Variants in PHAF1 observed in about 807,000 individuals in gnomAD.
The protein encoded by PHAF1 is phagosome assembly factor 1.
Under a neutral mutation model 63.1 loss-of-function variants are expected in PHAF1, and 23 were observed. The observed-to-expected ratio is 0.36, with a 90% CI of 0.26 to 0.52. The LOEUF (loss-of-function observed/expected upper bound fraction) is 0.52, where lower values mean the gene tolerates loss of function less well. Among genes scored for constraint, PHAF1 ranks in the 20% least tolerant of loss-of-function variants. The probability of loss-of-function intolerance (pLI) is 0.93; values close to 1 mark genes in which losing one functional copy is unlikely to be tolerated. For synonymous variants in PHAF1, 167 were observed against 185.0 expected (o/e 0.90, Z 0.79); for missense variants, 427 against 517.2 (o/e 0.83, Z 1.69).
chr16:67,134,851 C>CT, intron 8 of PHAF1: 2 of 381,802 alleles, frequency 5.2e-6, no homozygotes, highest in Non-Finnish European at 1.0e-5. Flanking sequence ...ATACCATCAC[C>CT]TTGGTGGTTA....
chr16:67,118,766 CTTTTTTTT>C (rs910658530), intron 1 of PHAF1, among the ~76,000 whole-genome samples: 5 of 99,994 alleles, frequency 5.0e-5, no homozygotes, highest in African/African-American at 1.5e-4. Context: ...TGATCTTAAA[CTTTTTTTT>C]TTTTTTTTTT....
intron 3 of PHAF1, among the ~76,000 whole-genome samples, chr16:67,127,465 A>C (rs555474327): frequency 3.3e-5 from 5 of 152,312 alleles, no homozygotes; most frequent in South Asian, 4.1e-4. Context: ...GAAGTTCCAC[A>C]CTGGGAAAGG....
chr16:67,124,164 G>T (rs1471747522), intron 2 of PHAF1, among the ~76,000 whole-genome samples: 1 of 151,752 alleles, frequency 6.6e-6, no homozygotes, highest in East Asian at 1.9e-4. Context: ...CCTGGCACAT[G>T]CCTCCTCCAA....
At chr16:67,117,638 G>A (rs546721805) in intron 1 of PHAF1, among the ~76,000 whole-genome samples, 11 of 151,516 alleles carry the variant, frequency 7.3e-5, no homozygotes, top group Admixed American at 1.3e-4. Flanking sequence ...TTAGCCAGGC[G>A]TGGTGGCGGG....
At chr16:67,121,951 G>A (rs766348114) in intron 2 of PHAF1, among the ~76,000 whole-genome samples, 14 of 152,072 alleles carry the variant, frequency 9.2e-5, no homozygotes, top group Non-Finnish European at 1.0e-4. Context: ...AGACTAGAGT[G>A]TAGTGACATG....
chr16:67,122,570 CA>C (rs912852837), intron 2 of PHAF1, among the ~76,000 whole-genome samples: 19,850 of 84,310 alleles, frequency 0.24, 2,829 homozygotes, highest in African/African-American at 0.46. Flanking sequence ...GACCCTGTCT[CA>C]AAAAAAAAAA....
Position 67,132,538 on chromosome 16 carries a change from C to T in PHAF1, c.355+13C>T. ...ACCCATCCTGGAGGTAAGCCAAGTC[C>T]ATCTGATTCCTCTGGTCATCAGTGG... On this transcript the variant is annotated intron_variant, in intron 5 of 15. Transcript: ENST00000219139. 6.2e-7 allele frequency: 1 copy of T among 1,610,702 alleles called. No homozygotes were observed. The highest frequency in any genetic ancestry group is 1.7e-5 in the Admixed American group (1 of 60,018).
At chr16:67,130,567 T>G (rs1160745275) in intron 3 of PHAF1, among the ~76,000 whole-genome samples, 1 of 151,604 alleles carries the variant, frequency 6.6e-6, no homozygotes, top group African/African-American at 2.4e-5. Context: ...CAGGCTGGTC[T>G]GGAACTCCTG....
At chr16:67,142,554 C>T (rs767107716) in intron 10 of PHAF1, among the ~76,000 whole-genome samples, 6 of 152,256 alleles carry the variant, frequency 3.9e-5, no homozygotes, top group Non-Finnish European at 8.8e-5. Flanking sequence ...GCCCTGAGTG[C>T]GTGCACTCCC....
intron 8 of PHAF1, chr16:67,135,105 A>G (rs1278401197): frequency 5.7e-6 from 1 of 174,366 alleles, no homozygotes; most frequent in Non-Finnish European, 1.2e-5. Context: ...CTGGAGATGC[A>G]TCCTGTGGGT....
intron 8 of PHAF1, among the ~76,000 whole-genome samples, chr16:67,136,876 G>T (rs1963629582): frequency 1.3e-5 from 2 of 152,012 alleles, no homozygotes; most frequent in Non-Finnish European, 2.9e-5. Context: ...TGGTATATAG[G>T]CTGGACACAG....
At chr16:67,144,757 TG>T in intron 11 of PHAF1, 76 bp from the exon 12 acceptor site, 1 of 1,496,058 alleles carries the variant, frequency 6.7e-7, no homozygotes. Context: ...CTGTTTCTCC[TG>T]GGGTGTGGGG....
intron 2 of PHAF1, among the ~76,000 whole-genome samples, chr16:67,120,545 T>G (rs1962930279): frequency 6.6e-6 from 1 of 151,410 alleles, no homozygotes; most frequent in Non-Finnish European, 1.5e-5. Flanking sequence ...TTGTCTTTTC[T>G]GCTTTTGTTG....
At chr16:67,118,331 C>CTTTTTTTTT (rs1054550338) in intron 1 of PHAF1, among the ~76,000 whole-genome samples, 2 of 76,552 alleles carry the variant, frequency 2.6e-5, no homozygotes, top group African/African-American at 6.4e-5. Flanking sequence ...GCCCCTGTTG[C>CTTTTTTTTT]TTTTTTTTTT....
rs754176825 is a variant in PHAF1 at position 67,132,598 on chromosome 16, TC to T, written c.355+76del. 30 of 1,475,142 alleles carry T rather than the reference TC, an allele frequency of 2.0e-5. No homozygotes were observed. In the African/African-American group the frequency reaches 3.6e-4, roughly 18 times the overall value. 91.4% of individuals were successfully genotyped at this position (1,475,142 alleles called of 1,614,324 possible). A position where few individuals can be genotyped will look rare whatever the true frequency, so the allele number is the denominator to read the frequency against. ...GCAATAAACCTGCCCGGTAGTGCCA[TC>T]CCACCCCACTTCCTGGAGTCAGGCT... is the stretch of plus-strand genomic sequence containing the variant. On this transcript the variant is annotated intron_variant, in intron 5 of 15. Coordinates refer to ENST00000219139, the MANE Select transcript of PHAF1 (RefSeq NM_025187.5).
At chr16:67,124,162 A>G (rs1963093591) in intron 2 of PHAF1, among the ~76,000 whole-genome samples, 1 of 152,114 alleles carries the variant, frequency 6.6e-6, no homozygotes, top group African/African-American at 2.4e-5. Context: ...ATCCTGGCAC[A>G]TGCCTCCTCC....
At chr16:67,127,882 A>T (rs145640587) in intron 3 of PHAF1, among the ~76,000 whole-genome samples, 1 of 152,318 alleles carries the variant, frequency 6.6e-6, no homozygotes, top group Non-Finnish European at 1.5e-5. Context: ...GTAAAAGTCC[A>T]CTTTAGAAAA....
At chr16:67,115,480 G>T (rs772544468) in intron 1 of PHAF1, among the ~76,000 whole-genome samples, 2 of 152,214 alleles carry the variant, frequency 1.3e-5, no homozygotes, top group African/African-American at 4.8e-5. Flanking sequence ...ACAGTGGAAA[G>T]AAGATATAGA....
intron 12 of PHAF1, 136 bp downstream of exon 12, chr16:67,145,013 A>C (rs1010205284): frequency 8.8e-7 from 1 of 1,131,680 alleles, no homozygotes; most frequent in Non-Finnish European, 1.3e-6. Context: ...GGGTGGGCTC[A>C]TTGTTCTGGG....
Sources: gnomAD v4.1 joint callset for allele counts (sites outside exome capture counted in the v4.1 genomes callset) on GRCh38, gnomAD v4.1.1 for gene constraint, MANE v1.5 for transcripts, NCBI Gene and HGNC (gene_info 2026-07-23, HGNC 2026-07-21) for gene names.